The following LRGUK variants were observed in gnomAD, a reference collection of about 807,000 sequenced individuals.
LRGUK encodes the protein leucine rich repeats and guanylate kinase domain containing.
LRGUK carries 65 observed loss-of-function variants against 76.0 expected under a neutral mutation model. The observed-to-expected ratio is 0.85, with a 90% CI of 0.70 to 1.05. The LOEUF (loss-of-function observed/expected upper bound fraction) is 1.05. Among genes scored for constraint, LRGUK ranks in the 50% least tolerant of loss-of-function variants. LRGUK has a pLI of 0.00. For synonymous variants in LRGUK, 268 were observed against 265.6 expected (o/e 1.01, Z -0.09); for missense variants, 758 against 732.8 (o/e 1.03, Z -0.40).
rs116503957 is a variant in LRGUK, at chr7:134,130,938, A to G, written c.297+3274A>G. On this transcript the variant is annotated intron_variant, in intron 1 of 15. Coordinates refer to ENST00000645682, the Ensembl canonical transcript of LRGUK. ...TAAAGAATTGTGAGAATTAAATGAG[A>G]TCCTATATGTTAAATGCTTATCATA... 1.9e-3 allele frequency among the ~76,000 whole-genome samples: 292 copies of G among 152,346 alleles called. 2 individuals are homozygous for G. The highest frequency in any genetic ancestry group is 6.8e-3 in the African/African-American group (282 of 41,580).
intron 19 of LRGUK, 58 bp downstream of exon 19, chr7:134,258,463 C>T (rs891784043): frequency 1.5e-5 from 22 of 1,500,370 alleles, no homozygotes; most frequent in East Asian, 9.3e-5. Context: ...TTTGGGAGGC[C>T]GAGGCGAATG....
chr7:134,223,789 T>A (rs1312083062), intron 16 of LRGUK, among the ~76,000 whole-genome samples: 3 of 152,176 alleles, frequency 2.0e-5, no homozygotes, highest in Non-Finnish European at 2.9e-5. Context: ...TTTTTTCTTT[T>A]ACTTTTTTCT....
chr7:134,160,394 CTG>C (rs1486005634), intron 6 of LRGUK, among the ~76,000 whole-genome samples: 1 of 152,170 alleles, frequency 6.6e-6, no homozygotes, highest in African/African-American at 2.4e-5. Flanking sequence ...ACAGAATATA[CTG>C]TCATTCATTT....
chr7:134,275,528 T>C, the LRGUK span, among the ~76,000 whole-genome samples: 1,686 of 152,314 alleles, frequency 0.011, 31 homozygotes, highest in African/African-American at 0.038. Context: ...TTTTCTGTTA[T>C]GCTCAGGATA....
At chr7:134,181,674 G>GA (rs1177530074) in intron 10 of LRGUK, among the ~76,000 whole-genome samples, 1 of 151,086 alleles carries the variant, frequency 6.6e-6, no homozygotes, top group Non-Finnish European at 1.5e-5. Flanking sequence ...TTATTTTTTT[G>GA]AAAAAATATA....
intron 18 of LRGUK, among the ~76,000 whole-genome samples, chr7:134,249,401 G>C (rs1802390766): frequency 6.6e-6 from 1 of 152,120 alleles, no homozygotes; most frequent in Non-Finnish European, 1.5e-5. Flanking sequence ...ATTGTGGTAA[G>C]GCAGGCAATG....
At chr7:134,268,092 A>G (rs973335725), downstream of LRGUK, among the ~76,000 whole-genome samples, 3 of 152,214 alleles carry the variant, frequency 2.0e-5, no homozygotes, top group Non-Finnish European at 4.4e-5. Flanking sequence ...GAACAAAAGC[A>G]TAATAAACAC....
At chr7:134,158,211 G>A (rs367803083) in intron 6 of LRGUK, 52 bp downstream of exon 6, 2 of 1,487,880 alleles carry the variant, frequency 1.3e-6, no homozygotes, top group African/African-American at 1.4e-5. Flanking sequence ...AATGCTTTTA[G>A]TAACTACATG....
At chr7:134,157,483 C>T (rs572742755) in intron 5 of LRGUK, among the ~76,000 whole-genome samples, 14 of 152,312 alleles carry the variant, frequency 9.2e-5, no homozygotes, top group African/African-American at 3.4e-4. Flanking sequence ...TTTTTCTTTC[C>T]GTACTGATTA....
At chr7:134,165,630 A>G (rs59016602) in intron 7 of LRGUK, among the ~76,000 whole-genome samples, 20,075 of 152,238 alleles carry the variant, frequency 0.13, 1,676 homozygotes, top group East Asian at 0.33. Context: ...TGTAATCTAC[A>G]TACAAACTTA....
intron 1 of LRGUK, among the ~76,000 whole-genome samples, chr7:134,136,444 T>C (rs926158587): frequency 3.3e-5 from 5 of 152,194 alleles, no homozygotes; most frequent in Non-Finnish European, 5.9e-5. Flanking sequence ...ATAATTGCCT[T>C]AATTTGATGT....
intron 10 of LRGUK, among the ~76,000 whole-genome samples, chr7:134,181,164 G>A (rs1171761314): frequency 6.6e-6 from 1 of 152,138 alleles, no homozygotes; most frequent in Non-Finnish European, 1.5e-5. Context: ...GTTGTTTGAA[G>A]CTTGTTTTCT....
At chr7:134,264,076 C>A in exon 20 of LRGUK, 1 of 1,184,244 alleles carries the variant, frequency 8.4e-7, no homozygotes, top group South Asian at 2.5e-5. Context: ...TCACTCAACC[C>A]ATTACCCACG....
At chr7:134,176,611 A>G (rs1277252216) in intron 8 of LRGUK, among the ~76,000 whole-genome samples, 1 of 151,874 alleles carries the variant, frequency 6.6e-6, no homozygotes, top group African/African-American at 2.4e-5. Context: ...CGATCTCCTG[A>G]TCTCGTGATC....
chr7:134,262,674 C>A (rs1477476285), intron 19 of LRGUK, among the ~76,000 whole-genome samples: 7 of 151,856 alleles, frequency 4.6e-5, no homozygotes, highest in Admixed American at 4.6e-4. Context: ...CAAAAACCAG[C>A]AAACAAGGAA....
the LRGUK span, among the ~76,000 whole-genome samples, chr7:134,274,437 A>G: frequency 1.3e-5 from 2 of 152,144 alleles, no homozygotes; most frequent in African/African-American, 4.8e-5. Context: ...AAATCAGTGG[A>G]ATTGAAAAGA....
At chr7:134,132,776 G>T (rs1343002755) in intron 1 of LRGUK, among the ~76,000 whole-genome samples, 1 of 152,188 alleles carries the variant, frequency 6.6e-6, no homozygotes, top group Non-Finnish European at 1.5e-5. Context: ...ACCCTGAGTA[G>T]AGAGAAGGCA....
At chr7:134,261,348 G>A (rs926455114) in intron 19 of LRGUK, among the ~76,000 whole-genome samples, 1 of 151,696 alleles carries the variant, frequency 6.6e-6, no homozygotes, top group African/African-American at 2.4e-5. Context: ...TTTTGGTTTG[G>A]CCCTACATTC....
chr7:134,197,014 GT>G lies in LRGUK; in HGVS notation c.1456del (p.Tyr486MetfsTer8). 3 of 1,601,732 alleles carry G rather than the reference GT, an allele frequency of 1.9e-6. No homozygotes were observed. Among genetic ancestry groups the G allele is most frequent in the Non-Finnish European group, 2.6e-6 (3 of 1,171,450 alleles). On this transcript the variant is annotated frameshift_variant, in exon 13 of 16. Transcript: ENST00000645682. LOFTEE classifies it high-confidence loss of function. The stretch of plus-strand genomic sequence containing the variant: ...CAGGGGAAATTCATTCTAACATTTA[GT>G]TATGGTAATCACAAGTATGGATTAA...
Sources: allele counts gnomAD v4.1 joint callset (sites outside exome capture counted in the v4.1 genomes callset), GRCh38; gene constraint gnomAD v4.1.1; transcripts MANE v1.5; gene names NCBI Gene and HGNC (gene_info 2026-07-23, HGNC 2026-07-21).